The following SH3GL3 variants were observed in gnomAD, a reference collection of about 807,000 sequenced individuals.
SH3GL3 encodes endophilin-A3.
In SH3GL3, 33 loss-of-function variants were observed where a neutral mutation model predicts 47.7. That is an observed-to-expected ratio of 0.69 (90% CI 0.52 to 0.92). The LOEUF is 0.92. SH3GL3 is among the 40% of genes least tolerant of loss of function. SH3GL3 has a pLI of 0.00. For synonymous variants in SH3GL3, 155 were observed against 148.8 expected, an observed-to-expected ratio of 1.04 and a Z score of -0.30; for missense variants, 363 against 417.8, an observed-to-expected ratio of 0.87 and a Z score of 1.14.
chr15:83,623,216 A>G (rs2060919724), downstream of SH3GL3, among the ~76,000 whole-genome samples: 1 of 152,200 alleles, frequency 6.6e-6, no homozygotes, highest in African/African-American at 2.4e-5. Flanking sequence ...TACTGTTTCA[A>G]TTATGTATTG....
intron 1 of SH3GL3, among the ~76,000 whole-genome samples, chr15:83,450,383 G>C (rs763403589): frequency 3.9e-4 from 59 of 152,192 alleles, no homozygotes; most frequent in Non-Finnish European, 5.1e-4. Flanking sequence ...GTAAGACAAA[G>C]ATGATAAAGT....
At chr15:83,449,342 C>T (rs1349266087) in intron 1 of SH3GL3, among the ~76,000 whole-genome samples, 1 of 152,166 alleles carries the variant, frequency 6.6e-6, no homozygotes, top group Non-Finnish European at 1.5e-5. Context: ...TGTGGAGTGT[C>T]CTCAGCTGGT....
intron 1 of SH3GL3, among the ~76,000 whole-genome samples, chr15:83,520,264 T>C (rs970557083): frequency 8.5e-5 from 13 of 152,212 alleles, no homozygotes; most frequent in Non-Finnish European, 1.5e-4. Context: ...GTCATTTTCC[T>C]TGGGGAGAGA....
At chr15:83,512,541 A>G (rs1395471446) in intron 1 of SH3GL3, among the ~76,000 whole-genome samples, 1 of 152,060 alleles carries the variant, frequency 6.6e-6, no homozygotes, top group Non-Finnish European at 1.5e-5. Flanking sequence ...TGGTTCTCAG[A>G]TTGGGCTTTC....
chr15:83,550,992 A>C (rs1306128911), intron 1 of SH3GL3, among the ~76,000 whole-genome samples: 1 of 152,188 alleles, frequency 6.6e-6, no homozygotes, highest in Non-Finnish European at 1.5e-5. Context: ...AGGGAAGAAG[A>C]TGGAGACGCC....
At chr15:83,539,175 G>T (rs943119539) in intron 1 of SH3GL3, among the ~76,000 whole-genome samples, 7 of 152,108 alleles carry the variant, frequency 4.6e-5, no homozygotes, top group Non-Finnish European at 8.8e-5. Context: ...AGTCCTTACA[G>T]GCTGCCACAA....
intron 1 of SH3GL3, among the ~76,000 whole-genome samples, chr15:83,494,972 C>T (rs1322719656): frequency 6.6e-6 from 1 of 152,154 alleles, no homozygotes; most frequent in Non-Finnish European, 1.5e-5. Flanking sequence ...GCACCTCCTC[C>T]CTCTCCCCCT....
chr15:83,563,669 C>CG (rs1312666493), intron 2 of SH3GL3, among the ~76,000 whole-genome samples: 1 of 152,062 alleles, frequency 6.6e-6, no homozygotes, highest in Non-Finnish European at 1.5e-5. Flanking sequence ...CATGGAGTCT[C>CG]GCTCTGTTGC....
At chr15:83,590,015 A>G (rs1303210016) in intron 8 of SH3GL3, among the ~76,000 whole-genome samples, 1 of 152,138 alleles carries the variant, frequency 6.6e-6, no homozygotes, top group South Asian at 2.1e-4. Flanking sequence ...TTGCATTTTC[A>G]TGATTATTAG....
chr15:83,463,220 C>T (rs2040390872), intron 1 of SH3GL3, among the ~76,000 whole-genome samples: 1 of 152,198 alleles, frequency 6.6e-6, no homozygotes, highest in Non-Finnish European at 1.5e-5. Context: ...GCATACATTT[C>T]TAGGACCAGG....
At chr15:83,524,185 G>A (rs1425935488) in intron 1 of SH3GL3, among the ~76,000 whole-genome samples, 1 of 152,152 alleles carries the variant, frequency 6.6e-6, no homozygotes, top group Non-Finnish European at 1.5e-5. Flanking sequence ...TATTTGCAAG[G>A]TGTTGGTTGA....
intron 6 of SH3GL3, among the ~76,000 whole-genome samples, chr15:83,585,066 C>A (rs770561322): frequency 7.9e-5 from 12 of 152,150 alleles, no homozygotes; most frequent in Non-Finnish European, 1.8e-4. Flanking sequence ...CTGGAAGCTT[C>A]AATTTTCTGA....
intron 1 of SH3GL3, among the ~76,000 whole-genome samples, chr15:83,474,458 G>T (rs1596051562): frequency 6.6e-6 from 1 of 151,916 alleles, no homozygotes; most frequent in African/African-American, 2.4e-5. Context: ...AAAAAGCTGT[G>T]CAGGCCAAAG....
intron 8 of SH3GL3, among the ~76,000 whole-genome samples, chr15:83,591,745 G>A (rs935876620): frequency 1.3e-5 from 2 of 152,120 alleles, no homozygotes; most frequent in African/African-American, 2.4e-5. Flanking sequence ...GAGTGCAGTG[G>A]CGCCATCTCG....
chr15:83,456,641 G>A (rs931838691), intron 1 of SH3GL3, among the ~76,000 whole-genome samples: 2 of 138,736 alleles, frequency 1.4e-5, no homozygotes, highest in African/African-American at 5.4e-5. Flanking sequence ...CTTCCCAGGT[G>A]AGGCAATGCC....
intron 1 of SH3GL3, among the ~76,000 whole-genome samples, chr15:83,531,832 G>T (rs759515832): frequency 1.1e-4 from 16 of 152,058 alleles, no homozygotes; most frequent in Non-Finnish European, 1.5e-4. Context: ...GGTGGTGTGT[G>T]TGTGTCTGAG....
intron 1 of SH3GL3, among the ~76,000 whole-genome samples, chr15:83,509,888 C>A (rs1491578): frequency 1.3e-5 from 2 of 151,960 alleles, no homozygotes; most frequent in Non-Finnish European, 2.9e-5. Flanking sequence ...AAAAATTAAA[C>A]CAAAACACTG....
chr15:83,589,451 G>A lies in SH3GL3; in HGVS notation c.838+680G>A, dbSNP rs184987489. On this transcript the variant is annotated intron_variant, in intron 8 of 8. Transcript: ENST00000427482. ...TAGTGCAATGGCATGAACATGGCTC[G>A]GTGCAGCCTTGACCTCCTGGGCTCA... is the stretch of plus-strand genomic sequence containing the variant. Among the ~76,000 whole-genome samples the A allele has an allele frequency of 3.4e-3, 520 of 152,012 alleles. 13 individuals carry two copies. Among genetic ancestry groups the A allele is most frequent in the Admixed American group, 0.033 (496 of 15,258 alleles).
At chr15:83,599,279 A>T (rs893842701) in intron 8 of SH3GL3, among the ~76,000 whole-genome samples, 1 of 152,094 alleles carries the variant, frequency 6.6e-6, no homozygotes, top group Non-Finnish European at 1.5e-5. Context: ...GATATTTGTG[A>T]GATTTCAGTG....
Sources: allele counts gnomAD v4.1 joint callset (sites outside exome capture counted in the v4.1 genomes callset), GRCh38; gene constraint gnomAD v4.1.1; transcripts MANE v1.5; gene names NCBI Gene and HGNC (gene_info 2026-07-23, HGNC 2026-07-21).